The following FER1L6 variants were observed in gnomAD, a reference collection of about 807,000 sequenced individuals.
The protein encoded by FER1L6 is fer-1 like family member 6.
Under a neutral mutation model 219.2 loss-of-function variants are expected in FER1L6, and 177 were observed. The ratio of observed to expected loss-of-function variants is 0.81; its 90% CI spans 0.71 to 0.91. The LOEUF (loss-of-function observed/expected upper bound fraction) is 0.91, where lower values mean the gene tolerates loss of function less well. Ranked by LOEUF, FER1L6 falls within the 40% of genes least tolerant of loss-of-function variation. The pLI is 0.00. For missense variants in FER1L6, 2,153 were observed against 2,259.9 expected, an observed-to-expected ratio of 0.95 and a Z score of 0.96; for synonymous variants, 768 against 824.3, an observed-to-expected ratio of 0.93 and a Z score of 1.17.
rs1457780235 is a variant in FER1L6, at chr8:124,070,463, A to T, written c.3835-4A>T. ...TAGCACAATCTTCTCCCTTTTCCCT[A>T]AAGATATATGACGGTGATCTCGAGA... On this transcript the variant is annotated splice_region_variant and splice_polypyrimidine_tract_variant and intron_variant, in intron 29 of 40. Transcript: ENST00000522917. 1.1e-5 allele frequency: 17 copies of T among 1,612,762 alleles called. No individual in the cohort carries two copies. The Admixed American group carries it at 2.8e-4, about 27-fold the overall frequency.
At chr8:123,998,075 T>G (rs568112469) in intron 12 of FER1L6, among the ~76,000 whole-genome samples, 4 of 152,288 alleles carry the variant, frequency 2.6e-5, no homozygotes, top group Admixed American at 2.6e-4. Flanking sequence ...TGGATATTAT[T>G]TGGTGTTTGG....
At chr8:124,114,351 A>G (rs1407063136) in intron 39 of FER1L6, among the ~76,000 whole-genome samples, 1 of 152,124 alleles carries the variant, frequency 6.6e-6, no homozygotes, top group Non-Finnish European at 1.5e-5. Flanking sequence ...TATTGTTATC[A>G]CTATAGATTC....
chr8:124,017,868 T>G, intron 16 of FER1L6, 150 bp downstream of exon 16: 1 of 584,450 alleles, frequency 1.7e-6, no homozygotes, highest in Non-Finnish European at 3.0e-6. Context: ...ATTTGTTAAG[T>G]TGGAAAGAAA....
At chr8:123,971,563 C>T (rs138852405) in intron 6 of FER1L6, among the ~76,000 whole-genome samples, 1 of 152,196 alleles carries the variant, frequency 6.6e-6, no homozygotes, top group Non-Finnish European at 1.5e-5. Flanking sequence ...GCTACCATTG[C>T]CTATCTCTGT....
At chr8:124,113,916 G>A (rs747803455) in intron 39 of FER1L6, among the ~76,000 whole-genome samples, 13 of 152,202 alleles carry the variant, frequency 8.5e-5, no homozygotes, top group Admixed American at 2.0e-4. Context: ...ACTTGACTAT[G>A]TTGGTAAATA....
In FER1L6 at chr8:124,067,092, T is replaced by C. The variant is rs73330113; in HGVS notation, c.3678+542T>C. Among the ~76,000 whole-genome samples, 1,299 of 152,054 alleles carry C rather than the reference T, an allele frequency of 8.5e-3. 23 individuals carry two copies. Among genetic ancestry groups the C allele is most frequent in the African/African-American group, 0.029 (1,221 of 41,478 alleles). The stretch of plus-strand genomic sequence containing the variant: ...ATGAAGCTGGAGAGACAGTGGGGAG[T>C]AGGCCTGGAGAGTCCGGCAAAAGCT... On this transcript the variant is annotated intron_variant, in intron 27 of 40. Coordinates refer to ENST00000522917, the MANE Select transcript of FER1L6 (RefSeq NM_001039112.2).
At chr8:123,974,659 C>CAA (rs994690186) in intron 7 of FER1L6, among the ~76,000 whole-genome samples, 480 of 47,342 alleles carry the variant, frequency 0.01, 29 homozygotes, top group African/African-American at 0.022. Flanking sequence ...GACTCTGTCT[C>CAA]AAAAAAAAAA....
intron 37 of FER1L6, among the ~76,000 whole-genome samples, chr8:124,098,782 C>A (rs1243227432): frequency 6.6e-6 from 1 of 152,236 alleles, no homozygotes; most frequent in East Asian, 1.9e-4. Context: ...CTTCCAGAAG[C>A]TGACCTTCTG....
At chr8:124,007,197 C>T (rs974281692) in intron 13 of FER1L6, among the ~76,000 whole-genome samples, 2 of 152,110 alleles carry the variant, frequency 1.3e-5, no homozygotes, top group Non-Finnish European at 2.9e-5. Flanking sequence ...CGTGGAAGAG[C>T]TAAAAAGAAT....
intron 11 of FER1L6, among the ~76,000 whole-genome samples, chr8:123,983,177 G>A (rs1353739491): frequency 6.6e-6 from 1 of 152,074 alleles, no homozygotes; most frequent in Non-Finnish European, 1.5e-5. Flanking sequence ...GTTTCTTTCA[G>A]CATCTTCTTT....
rs1040965018 is a variant in FER1L6, at chr8:123,962,024, G to A, written c.77-1254G>A. ...TCTGCCTCAGCCTCCCGAGCAGCTG[G>A]GACTACAGGTGCCCACCACCACGCC... is the stretch of plus-strand genomic sequence containing the variant. On this transcript the variant is annotated intron_variant, in intron 2 of 40. Coordinates refer to ENST00000522917, the MANE Select transcript of FER1L6 (RefSeq NM_001039112.2). Among the ~76,000 whole-genome samples, 46 of 152,044 alleles carry A rather than the reference G, an allele frequency of 3.0e-4. 1 individual carries two copies. The highest frequency in any genetic ancestry group is 2.9e-3 in the Admixed American group (45 of 15,284).
intron 22 of FER1L6, among the ~76,000 whole-genome samples, chr8:124,055,200 A>G (rs1490720008): frequency 2.6e-5 from 4 of 152,124 alleles, no homozygotes. Flanking sequence ...GCACTTTAGG[A>G]AGCTGAGGCA....
At chr8:124,066,685 T>C in intron 27 of FER1L6, 135 bp downstream of exon 27, 1 of 1,000,992 alleles carries the variant, frequency 1.0e-6, no homozygotes, top group Non-Finnish European at 1.4e-6. Context: ...TTCTGTTAAC[T>C]GCAGAAAGGT....
At chr8:124,082,252 G>A (rs370868787) in intron 32 of FER1L6, 36 bp from the exon 33 acceptor site, 13 of 1,580,390 alleles carry the variant, frequency 8.2e-6, no homozygotes, top group Non-Finnish European at 1.0e-5. Context: ...GTCACCAAAT[G>A]TTAACTGACT....
At chr8:123,940,747 T>A (rs1814207646) in intron 1 of FER1L6, among the ~76,000 whole-genome samples, 1 of 152,200 alleles carries the variant, frequency 6.6e-6, no homozygotes, top group Admixed American at 6.5e-5. Context: ...TCCTAGATAA[T>A]TGTAGGGCAT....
chr8:124,105,878 T>G (rs1001627566), intron 39 of FER1L6, among the ~76,000 whole-genome samples: 7 of 152,188 alleles, frequency 4.6e-5, no homozygotes, highest in Non-Finnish European at 1.0e-4. Context: ...GCAAATGTTA[T>G]GCTAAGTGAA....
At chr8:123,924,881 C>T (rs1321508769) in intron 1 of FER1L6, 1 of 152,200 alleles carries the variant, frequency 6.6e-6, no homozygotes, top group African/African-American at 2.4e-5. Flanking sequence ...TGGTCACTGT[C>T]AAAACCAAGA....
intron 1 of FER1L6, among the ~76,000 whole-genome samples, chr8:123,903,698 C>T (rs1013554943): frequency 3.9e-5 from 6 of 152,004 alleles, no homozygotes; most frequent in African/African-American, 7.3e-5. Context: ...ATGAAGTCTA[C>T]GCTTACGTAT....
chr8:123,855,025 A>C lies in FER1L6; in HGVS notation c.-8+2840A>C, dbSNP rs150666334. The stretch of plus-strand genomic sequence containing the variant: ...TCTAAAGCAGTTTTAGCTCCAAAGG[A>C]GACCCTATTACTCTCAGCTTTCCCT... On this transcript the variant is annotated intron_variant, in intron 1 of 40. Coordinates refer to ENST00000522917, the MANE Select transcript of FER1L6 (RefSeq NM_001039112.2). Among the ~76,000 whole-genome samples the C allele has an allele frequency of 1.0e-3, 158 of 152,284 alleles. 1 individual carries two copies. Among genetic ancestry groups the C allele is most frequent in the African/African-American group, 3.7e-3 (155 of 41,576 alleles).
Sources: gnomAD v4.1 joint callset for allele counts (sites outside exome capture counted in the v4.1 genomes callset) on GRCh38, gnomAD v4.1.1 for gene constraint, MANE v1.5 for transcripts, NCBI Gene and HGNC (gene_info 2026-07-23, HGNC 2026-07-21) for gene names.